Variants in KCNK1 observed in about 807,000 individuals in gnomAD.
The protein encoded by KCNK1 is potassium channel subfamily K member 1.
A neutral mutation model predicts 22.2 loss-of-function variants in KCNK1; 10 were observed. The ratio of observed to expected loss-of-function variants is 0.45; its 90% confidence interval spans 0.28 to 0.76. The LOEUF is 0.76. KCNK1 is among the 30% of genes least tolerant of loss of function. KCNK1 has a pLI of 0.14. For synonymous variants in KCNK1, 200 were observed against 186.4 expected (o/e 1.07, Z -0.60); for missense variants, 378 against 421.0 (o/e 0.90, Z 0.89).
At position 233,671,448 on chromosome 1, in the gene KCNK1, G is replaced by T. The variant is rs1387241234; in HGVS notation, c.929G>T (p.Gly310Val). Residue 310 changes from glycine (G) to valine (V), a missense_variant, in exon 3 of 3, where the codon GGC becomes GTC. Coordinates refer to ENST00000366621, the MANE Select transcript of KCNK1 (RefSeq NM_002245.4). Reference sequence around the variant, plus strand: ...TCCTCGATCACAGACCAGGCAGCTGGCATGAAAGAGGACCAGAAGCAAAAT... The same window carrying T: ...TCCTCGATCACAGACCAGGCAGCTGTCATGAAAGAGGACCAGAAGCAAAAT... The part of the protein sequence containing the change: ...SFSSITDQAA[G>V]MKEDQKQNEP... 1 of 1,614,180 alleles carries T rather than the reference G, an allele frequency of 6.2e-7. No homozygotes were observed. Among genetic ancestry groups the T allele is most frequent in the Non-Finnish European group, 8.5e-7 (1 of 1,180,040 alleles).
intron 1 of KCNK1, among the ~76,000 whole-genome samples, chr1:233,653,676 A>G (rs571247119): frequency 2.6e-5 from 4 of 152,122 alleles, no homozygotes; most frequent in Non-Finnish European, 5.9e-5. Context: ...GAGTTATGTC[A>G]TTGGCCTCCA....
chr1:233,670,272 A>G (rs1658574582), intron 2 of KCNK1, among the ~76,000 whole-genome samples: 3 of 152,350 alleles, frequency 2.0e-5, no homozygotes, highest in Middle Eastern at 3.4e-3. Context: ...TGAATAGTCC[A>G]CATGTCCAAA....
At position 233,614,162 on chromosome 1, in the gene KCNK1, G is replaced by T. The variant is rs759450842; in HGVS notation, c.-10G>T. On this transcript the variant is annotated 5_prime_UTR_variant, in exon 1 of 3. Transcript: ENST00000366621. ...CTGCGGCGTTGGCCTTGGCGGCGGC[G>T]GTGGAGAAGATGCTGCAGTCCCTGG... The T allele has an allele frequency of 3.3e-6, 4 of 1,206,568 alleles. No homozygotes were observed. The highest frequency in any genetic ancestry group is 4.4e-6 in the Non-Finnish European group (4 of 898,972). The allele number at this position is 1,206,568 out of a possible 1,614,324, so 74.7% of individuals were successfully genotyped here.
At chr1:233,614,881 A>G (rs755316546) in intron 1 of KCNK1, among the ~76,000 whole-genome samples, 1 of 151,982 alleles carries the variant, frequency 6.6e-6, no homozygotes, top group Admixed American at 6.5e-5. Context: ...TTTTTTCGCA[A>G]CCCACTAAGC....
chr1:233,614,622 C>T (rs1376218848), intron 1 of KCNK1, 96 bp downstream of exon 1: 3 of 893,328 alleles, frequency 3.4e-6, no homozygotes, highest in Middle Eastern at 7.0e-4. Flanking sequence ...AACCCTCCCA[C>T]CCCACCCCCC....
intron 1 of KCNK1, chr1:233,650,187 G>T: frequency 2.7e-6 from 1 of 376,078 alleles, no homozygotes. Context: ...TTGGTGAGCA[G>T]CTATCATAGT....
At chr1:233,623,395 G>A (rs750940804) in intron 1 of KCNK1, among the ~76,000 whole-genome samples, 8 of 152,154 alleles carry the variant, frequency 5.3e-5, no homozygotes, top group Non-Finnish European at 8.8e-5. Flanking sequence ...ATAGTTAACA[G>A]TAATATATAG....
At chr1:233,620,930 A>G (rs1227542827) in intron 1 of KCNK1, among the ~76,000 whole-genome samples, 1 of 152,226 alleles carries the variant, frequency 6.6e-6, no homozygotes, top group Non-Finnish European at 1.5e-5. Context: ...ATGCATTGCA[A>G]TAAACTGATG....
intron 2 of KCNK1, among the ~76,000 whole-genome samples, chr1:233,668,791 G>C (rs551650864): frequency 5.0e-4 from 76 of 152,140 alleles, no homozygotes; most frequent in Non-Finnish European, 9.0e-4. Context: ...ATTTTTAGTA[G>C]AGACAGGGTT....
intron 1 of KCNK1, among the ~76,000 whole-genome samples, chr1:233,664,083 C>T (rs1658448791): frequency 6.6e-6 from 1 of 152,036 alleles, no homozygotes; most frequent in Admixed American, 6.5e-5. Flanking sequence ...GCCCGCCTCG[C>T]CCTCCCAAAG....
intron 1 of KCNK1, among the ~76,000 whole-genome samples, chr1:233,628,495 C>T (rs1657727813): frequency 6.6e-6 from 1 of 152,184 alleles, no homozygotes; most frequent in Non-Finnish European, 1.5e-5. Flanking sequence ...TGTGGTGGCT[C>T]ACGCCTGGAA....
At chr1:233,623,190 G>T (rs1657621658) in intron 1 of KCNK1, among the ~76,000 whole-genome samples, 1 of 149,568 alleles carries the variant, frequency 6.7e-6, no homozygotes, top group African/African-American at 2.5e-5. Flanking sequence ...AACAATGGAA[G>T]ATAATGAAAA....
At chr1:233,663,968 A>G (rs768740547) in intron 1 of KCNK1, among the ~76,000 whole-genome samples, 1 of 151,960 alleles carries the variant, frequency 6.6e-6, no homozygotes, top group Non-Finnish European at 1.5e-5. Context: ...AGTAGCTGGG[A>G]TTACAGGTGC....
At chr1:233,650,683 ACTAAGGCAT>A (rs1294897035) in intron 1 of KCNK1, among the ~76,000 whole-genome samples, 1 of 152,152 alleles carries the variant, frequency 6.6e-6, no homozygotes, top group Non-Finnish European at 1.5e-5. Context: ...AGATGAGGAA[ACTAAGGCAT>A]CAAATTTTTC....
chr1:233,625,060 C>T (rs994041169), intron 1 of KCNK1, among the ~76,000 whole-genome samples: 4 of 152,168 alleles, frequency 2.6e-5, no homozygotes, highest in South Asian at 2.1e-4. Flanking sequence ...AGTTGCTTGA[C>T]CATAGTTTAT....
intron 1 of KCNK1, among the ~76,000 whole-genome samples, chr1:233,662,244 T>TCTTCTTCTC (rs1658407910): frequency 1.7e-5 from 1 of 58,280 alleles, no homozygotes; most frequent in African/African-American, 5.7e-5. Context: ...TTCTCCTTCT[T>TCTTCTTCTC]CTTCTTCTTC....
At position 233,672,379 on chromosome 1, in the gene KCNK1, A is replaced by G. The variant is rs920421346; in HGVS notation, c.*849A>G. 1.3e-5 allele frequency: 2 copies of G among 151,888 alleles called. No individual in the cohort carries two copies. Among genetic ancestry groups the G allele is most frequent in the Non-Finnish European group, 2.9e-5 (2 of 67,984 alleles). 9.4% of individuals were successfully genotyped at this position (151,888 alleles called of 1,614,324 possible). ...GGTTAAGATACTTTGTTTTGAAAGT[A>G]CATTGTGATTTGCAGCCACCTAGCA... On this transcript the variant is annotated 3_prime_UTR_variant, in exon 3 of 3. Transcript: ENST00000366621.
chr1:233,650,619 T>G (rs200318076), intron 1 of KCNK1, among the ~76,000 whole-genome samples: 2 of 152,186 alleles, frequency 1.3e-5, no homozygotes, highest in East Asian at 3.8e-4. Flanking sequence ...ATGGATTGTT[T>G]CATTTAACCC....
intron 2 of KCNK1, among the ~76,000 whole-genome samples, chr1:233,667,262 T>C (rs1410081810): frequency 6.6e-6 from 1 of 152,192 alleles, no homozygotes; most frequent in Non-Finnish European, 1.5e-5. Context: ...CACTGATTGC[T>C]TTCTTCTCAT....
Sources: gnomAD v4.1 joint callset for allele counts (sites outside exome capture counted in the v4.1 genomes callset) on GRCh38, gnomAD v4.1.1 for gene constraint, MANE v1.5 for transcripts, NCBI Gene and HGNC (gene_info 2026-07-23, HGNC 2026-07-21) for gene names.